SLC4A5: variants seen among roughly 807,000 people sequenced by gnomAD.
SLC4A5 encodes electrogenic sodium bicarbonate cotransporter 4.
In SLC4A5, 96 loss-of-function variants were observed where a neutral mutation model predicts 120.4. That is an observed-to-expected ratio of 0.80 (90% CI 0.68 to 0.94). The LOEUF (loss-of-function observed/expected upper bound fraction) is 0.94. SLC4A5 is among the 40% of genes least tolerant of loss of function. The probability of loss-of-function intolerance (pLI) is 0.00; values close to 1 mark genes in which losing one functional copy is unlikely to be tolerated. For synonymous variants in SLC4A5, 550 were observed against 571.1 expected (o/e 0.96, Z 0.53); for missense variants, 1,259 against 1,459.5 (o/e 0.86, Z 2.24).
At chr2:74,263,034 C>T (rs1369011787) in intron 10 of SLC4A5, among the ~76,000 whole-genome samples, 1 of 152,078 alleles carries the variant, frequency 6.6e-6, no homozygotes, top group South Asian at 2.1e-4. Context: ...TAAACACTTC[C>T]CGTTGTTTTG....
chr2:74,242,547 A>G (rs1670480602), intron 19 of SLC4A5, among the ~76,000 whole-genome samples: 1 of 152,240 alleles, frequency 6.6e-6, no homozygotes, highest in East Asian at 1.9e-4. Context: ...TAATTCATCC[A>G]AGGTCACACA....
intron 7 of SLC4A5, among the ~76,000 whole-genome samples, chr2:74,294,908 T>A (rs1672282636): frequency 6.6e-6 from 1 of 152,098 alleles, no homozygotes; most frequent in African/African-American, 2.4e-5. Flanking sequence ...TGGCCTCAAG[T>A]GATCCGCCTG....
intron 6 of SLC4A5, among the ~76,000 whole-genome samples, chr2:74,306,552 C>T (rs191564369): frequency 6.6e-6 from 1 of 152,312 alleles, no homozygotes; most frequent in African/African-American, 2.4e-5. Context: ...TTCACTCTTA[C>T]AGGAATCATA....
rs369953943 is a variant in SLC4A5 at position 74,227,048 on chromosome 2, C to A, written c.2999G>T (p.Arg1000Leu). The change falls in exon 27 of 31, where the codon CGG becomes CTG. Residue 1000 changes from arginine (R) to leucine (L), a missense_variant. Transcript: ENST00000394019. ...CTGCACCAGGGTGAAGAGGTGGATC[C>A]GGCGCAGCGGCACGTGCCGCAGGAA... 3.1e-6 allele frequency: 5 copies of A among 1,614,012 alleles called. No individual in the cohort carries two copies. In the African/African-American group the frequency reaches 4.0e-5, roughly 13 times the overall value.
At chr2:74,249,936 T>C (rs1048048943) in intron 17 of SLC4A5, among the ~76,000 whole-genome samples, 1 of 152,202 alleles carries the variant, frequency 6.6e-6, no homozygotes, top group African/African-American at 2.4e-5. Flanking sequence ...GGCAACAGCT[T>C]ACCATCCTTC....
intron 4 of SLC4A5, among the ~76,000 whole-genome samples, chr2:74,331,832 C>T (rs993728721): frequency 2.0e-5 from 3 of 152,096 alleles, no homozygotes; most frequent in Non-Finnish European, 2.9e-5. Flanking sequence ...ATGAGTGGTT[C>T]GTGTGCTTGG....
At chr2:74,271,850 C>T (rs929310703) in intron 8 of SLC4A5, among the ~76,000 whole-genome samples, 5 of 151,980 alleles carry the variant, frequency 3.3e-5, no homozygotes, top group South Asian at 2.1e-4. Context: ...GTAATCCCAG[C>T]GCTCTGGGAG....
At chr2:74,224,786 GGA>G in intron 28 of SLC4A5, 52 bp downstream of exon 28, 1 of 1,576,788 alleles carries the variant, frequency 6.3e-7, no homozygotes, top group Non-Finnish European at 8.6e-7. Flanking sequence ...TGGCAAAAGT[GGA>G]GAGAAGGTCT....
exon 17 of SLC4A5, chr2:74,250,406 G>C (rs552011611): frequency 1.2e-6 from 2 of 1,614,198 alleles, no homozygotes; most frequent in Admixed American, 3.3e-5. Context: ...TGATACAGCC[G>C]AGGTAGATGA....
chr2:74,313,484 T>C (rs1447833801), intron 6 of SLC4A5, among the ~76,000 whole-genome samples: 1 of 152,208 alleles, frequency 6.6e-6, no homozygotes, highest in Non-Finnish European at 1.5e-5. Flanking sequence ...GGGGTCAGGT[T>C]ACTTGGATGT....
At chr2:74,239,420 A>T in exon 21 of SLC4A5, 1 of 1,614,214 alleles carries the variant, frequency 6.2e-7, no homozygotes, top group East Asian at 2.2e-5. Flanking sequence ...GAAGGACATG[A>T]GCGCCAGGTC....
At chr2:74,272,266 G>C (rs1312995644) in intron 8 of SLC4A5, among the ~76,000 whole-genome samples, 1 of 152,084 alleles carries the variant, frequency 6.6e-6, no homozygotes, top group Non-Finnish European at 1.5e-5. Context: ...CTGGGTGATG[G>C]GCAGGTGGGG....
chr2:74,239,637 C>A lies in SLC4A5; in HGVS notation c.2119-102G>T, dbSNP rs1471462466. ...CAGGCAGCCAGCATACCTTCCCACC[C>A]TCTGAGGGACCCCAGCCCCCCAGAG... On this transcript the variant is annotated intron_variant, in intron 20 of 30. Coordinates refer to ENST00000394019, the Ensembl canonical transcript of SLC4A5. The A allele has an allele frequency of 6.1e-5, 68 of 1,116,528 alleles. No homozygotes were observed. The South Asian group carries it at 8.8e-4, about 14-fold the overall frequency. 69.2% of individuals were successfully genotyped at this position (1,116,528 alleles called of 1,614,324 possible). A position where few individuals can be genotyped will look rare whatever the true frequency, so the allele number is the denominator to read the frequency against.
chr2:74,239,289 C>T, intron 21 of SLC4A5, 46 bp downstream of exon 21: 1 of 1,578,698 alleles, frequency 6.3e-7, no homozygotes, highest in Non-Finnish European at 8.7e-7. Context: ...GGGGACTCAG[C>T]AGCTGTCTGA....
intron 28 of SLC4A5, 90 bp from the exon 29 acceptor site, chr2:74,223,042 C>G: frequency 1.2e-6 from 1 of 827,502 alleles, no homozygotes. Context: ...TCTCGCTCTA[C>G]TGCCCAGGCT....
intron 18 of SLC4A5, among the ~76,000 whole-genome samples, chr2:74,248,038 C>T (rs937085881): frequency 6.6e-6 from 1 of 152,146 alleles, no homozygotes; most frequent in Admixed American, 6.5e-5. Context: ...TGGGTGTAAC[C>T]TTCTGACCTT....
At chr2:74,227,163 C>A in intron 26 of SLC4A5, 33 bp from the exon 27 acceptor site, 2 of 1,572,608 alleles carry the variant, frequency 1.3e-6, no homozygotes, top group Non-Finnish European at 1.7e-6. Context: ...GCCAGGCAGC[C>A]AGACCCCGAG....
chr2:74,315,085 G>T (rs1672923035), intron 5 of SLC4A5, 60 bp from the exon 6 acceptor site: 2 of 1,390,560 alleles, frequency 1.4e-6, no homozygotes, highest in Non-Finnish European at 2.0e-6. Context: ...AGGATTTCAA[G>T]GAGAAATGGT....
chr2:74,226,829 G>A (rs781605183), intron 27 of SLC4A5, 128 bp downstream of exon 27: 17 of 1,095,582 alleles, frequency 1.6e-5, no homozygotes, highest in Middle Eastern at 2.4e-4. Flanking sequence ...GCCAGCCTCC[G>A]TGACCCGAGG....
Sources: allele counts gnomAD v4.1 joint callset (sites outside exome capture counted in the v4.1 genomes callset), GRCh38; gene constraint gnomAD v4.1.1; transcripts MANE v1.5; gene names NCBI Gene and HGNC (gene_info 2026-07-23, HGNC 2026-07-21).